ADGRA2: variants seen among roughly 807,000 people sequenced by gnomAD.
ADGRA2 encodes the protein adhesion G protein-coupled receptor A2, also known as G-protein coupled receptor 124.
ADGRA2 carries 61 observed loss-of-function variants against 98.7 expected under a neutral mutation model. The observed-to-expected ratio is 0.62, with a 90% CI of 0.50 to 0.76. The LOEUF (loss-of-function observed/expected upper bound fraction) is 0.76. ADGRA2 is among the 30% of genes least tolerant of loss of function. The pLI, the probability that ADGRA2 is intolerant of heterozygous loss-of-function variation, is 0.00. For missense variants in ADGRA2, 1,712 were observed against 1,860.0 expected, an observed-to-expected ratio of 0.92 and a Z score of 1.46; for synonymous variants, 858 against 831.5, an observed-to-expected ratio of 1.03 and a Z score of -0.55.
chr8:37,806,526 C>CTTTTTTTTTT lies in ADGRA2; in HGVS notation c.267-8363_267-8354dup, dbSNP rs533491458. The stretch of plus-strand genomic sequence containing the variant: ...CTTTTTCTTTTTCTTTTTTCTTTTT[C>CTTTTTTTTTT]TTTTTTTTTTTTTTTTGAGACAGAG... On this transcript the variant is annotated intron_variant, in intron 1 of 18. Transcript: ENST00000412232. Among the ~76,000 whole-genome samples the CTTTTTTTTTT allele has an allele frequency of 3.7e-3, 367 of 100,332 alleles. 50 individuals are homozygous for CTTTTTTTTTT. The highest frequency in any genetic ancestry group is 0.017 in the African/African-American group (334 of 19,468). 65.8% of individuals were successfully genotyped at this position (100,332 alleles called of 152,430 possible).
In ADGRA2 at chr8:37,841,705, G is replaced by T. The variant is rs1003522135; in HGVS notation, c.3367G>T (p.Gly1123Cys). The change falls in exon 19 of 19, where the codon GGC (glycine) becomes TGC (cysteine). Residue 1123 changes from glycine (G) to cysteine (C), a missense_variant. Physicochemically the swap from Gly to Cys is radical, Grantham distance 159 (BLOSUM62 -3). Transcript: ENST00000412232. The surrounding 1 kb of genome is among the most constrained non-coding windows in gnomAD (Gnocchi z 5.0). ...GPPSLKSSPS[G>C]SSGHPLALGP... ...CCCCTCCCTCAAGTCCTCCCCAAGC[G>T]GCAGCAGCGGCCATCCGCTGGCTCT... 8.4e-6 allele frequency: 13 copies of T among 1,540,674 alleles called. No individual in the cohort carries two copies. Among genetic ancestry groups the T allele is most frequent in the Middle Eastern group, 2.2e-4 (1 of 4,530 alleles).
At chr8:37,804,153 G>A (rs960540349) in intron 1 of ADGRA2, among the ~76,000 whole-genome samples, 5 of 39,170 alleles carry the variant, frequency 1.3e-4, no homozygotes, top group Non-Finnish European at 1.8e-4. Flanking sequence ...ACACACACAC[G>A]GCTCTTAGCC....
At chr8:37,837,967 G>T (rs1383342642) in intron 14 of ADGRA2, 28 bp downstream of exon 14, 2 of 1,441,168 alleles carry the variant, frequency 1.4e-6, no homozygotes, top group Non-Finnish European at 9.2e-7. Flanking sequence ...TGACAAGTCG[G>T]GGGGGCAGGG....
At position 37,834,086 on chromosome 8, in the gene ADGRA2, T is replaced by TG. The variant is rs760256806; in HGVS notation, c.1573dup (p.Ala525GlyfsTer59). The stretch of plus-strand genomic sequence containing the variant: ...GCATCGTGGGTGCCCTGGAGCGCAT[T>TG]GGGGGGGCCGCCCTCAGCCCCCATG... On this transcript the variant is annotated frameshift_variant, in exon 11 of 19. Transcript: ENST00000412232. LOFTEE classifies it high-confidence loss of function. The surrounding 1 kb of genome is among the most constrained non-coding windows in gnomAD (Gnocchi z 4.2). 3.7e-6 allele frequency: 6 copies of TG among 1,612,282 alleles called. No homozygotes were observed. The highest frequency in any genetic ancestry group is 8.5e-7 in the Non-Finnish European group (1 of 1,179,804).
At chr8:37,817,242 G>A (rs1805006624) in intron 2 of ADGRA2, among the ~76,000 whole-genome samples, 1 of 152,174 alleles carries the variant, frequency 6.6e-6, no homozygotes, top group Non-Finnish European at 1.5e-5. Context: ...GGGCAGAAAG[G>A]TAGAGCAGGC....
chr8:37,807,591 A>T (rs530684993), intron 1 of ADGRA2, among the ~76,000 whole-genome samples: 1 of 152,260 alleles, frequency 6.6e-6, no homozygotes, highest in South Asian at 2.1e-4. Flanking sequence ...CAGCGGCTGC[A>T]GGGGAGGCTG....
intron 2 of ADGRA2, among the ~76,000 whole-genome samples, chr8:37,820,164 A>C (rs771164172): frequency 7.9e-5 from 12 of 152,222 alleles, no homozygotes; most frequent in Non-Finnish European, 8.8e-5. Context: ...CACCCACATC[A>C]TACAGGAGCA....
chr8:37,842,791 C>A lies in ADGRA2; in HGVS notation c.*436C>A, dbSNP rs75618960. On this transcript the variant is annotated 3_prime_UTR_variant, in exon 19 of 19. Coordinates refer to ENST00000412232, the MANE Select transcript of ADGRA2 (RefSeq NM_032777.10). ...TGCCCTCTACTGATTTCAGCCCAGC[C>A]CCTGCCTAGATCCTAGGTCCCTTTT... The A allele has an allele frequency of 2.9e-4, 47 of 162,244 alleles. No homozygotes were observed. The East Asian group carries it at 7.8e-3, about 27-fold the overall frequency. 10.1% of individuals were successfully genotyped at this position (162,244 alleles called of 1,614,324 possible). A position where few individuals can be genotyped will look rare whatever the true frequency, so the allele number is the denominator to read the frequency against.
intron 1 of ADGRA2, among the ~76,000 whole-genome samples, chr8:37,809,504 G>T (rs1437790907): frequency 6.6e-6 from 1 of 152,080 alleles, no homozygotes; most frequent in Admixed American, 6.5e-5. Flanking sequence ...TCCAACCCTG[G>T]GTATCTGAGG....
chr8:37,830,513 T>C lies in ADGRA2; in HGVS notation c.719-197T>C, dbSNP rs970627724. 6.6e-6 allele frequency among the ~76,000 whole-genome samples: 1 copy of C among 152,196 alleles called. No homozygotes were observed. Among genetic ancestry groups the C allele is most frequent in the African/African-American group, 2.4e-5 (1 of 41,442 alleles). Reference sequence around the variant, plus strand: ...GTGCTGAGAAAGGAGTACTTTTCTTTGTCCAAAAACCGCCTGTCCCTCCCC... The same window carrying C: ...GTGCTGAGAAAGGAGTACTTTTCTTCGTCCAAAAACCGCCTGTCCCTCCCC... On this transcript the variant is annotated intron_variant, in intron 6 of 18. Coordinates refer to ENST00000412232, the MANE Select transcript of ADGRA2 (RefSeq NM_032777.10). This position sits in a 1 kb window ranked among gnomAD's most constrained non-coding sequence, Gnocchi z 4.8.
At chr8:37,838,061 T>G (rs1326370521) in intron 14 of ADGRA2, 122 bp downstream of exon 14, 1 of 826,488 alleles carries the variant, frequency 1.2e-6, no homozygotes, top group Admixed American at 3.4e-5. Flanking sequence ...GCAGCCCTAA[T>G]TGGGCCCCAT....
In ADGRA2 at chr8:37,802,032, C is replaced by G. The variant is rs1804523301; in HGVS notation, c.266+4498C>G. 6.6e-6 allele frequency among the ~76,000 whole-genome samples: 1 copy of G among 152,222 alleles called. No individual in the cohort carries two copies. Among genetic ancestry groups the G allele is most frequent in the Non-Finnish European group, 1.5e-5 (1 of 68,024 alleles). Reference sequence around the variant, plus strand: ...GGTGCCCACCACGCAGGCTGCCCACCTAGGGGAGAAGAGGCTGTCTGCCGC... The same window carrying G: ...GGTGCCCACCACGCAGGCTGCCCACGTAGGGGAGAAGAGGCTGTCTGCCGC... On this transcript the variant is annotated intron_variant, in intron 1 of 18. Transcript: ENST00000412232. This position sits in a 1 kb window ranked among gnomAD's most constrained non-coding sequence, Gnocchi z 4.7.
At chr8:37,806,364 G>A (rs912998304) in intron 1 of ADGRA2, among the ~76,000 whole-genome samples, 32 of 152,058 alleles carry the variant, frequency 2.1e-4, no homozygotes, top group African/African-American at 7.7e-4. Flanking sequence ...TGTTCCTTGT[G>A]CTCAAGCCAG....
Position 37,833,003 on chromosome 8 carries a change from C to A in ADGRA2, c.1098-7C>A. ...GTTCATCGGCAACTTCCTGCCTCTC[C>A]CCCCAGGTGGCCCCGAACTCTGGCT... On this transcript the variant is annotated splice_region_variant and splice_polypyrimidine_tract_variant and intron_variant, in intron 8 of 18. Transcript: ENST00000412232. The A allele has an allele frequency of 1.2e-6, 2 of 1,609,502 alleles. No homozygotes were observed. The highest frequency in any genetic ancestry group is 2.2e-5 in the South Asian group (2 of 90,842).
rs1445377328 is a variant in ADGRA2, at chr8:37,837,957, T to TGAC, written c.2259+19_2259+21dup. Reference sequence around the variant, plus strand: ...TGCTCATGGTGGGTGTGAGGAGGGGTGACAAGTCGGGGGGGCAGGGACACG... The same window carrying TGAC: ...TGCTCATGGTGGGTGTGAGGAGGGGTGACGACAAGTCGGGGGGGCAGGGACACG... On this transcript the variant is annotated intron_variant, in intron 14 of 18. Transcript: ENST00000412232. The TGAC allele has an allele frequency of 6.9e-7, 1 of 1,439,154 alleles. No individual in the cohort carries two copies. Among genetic ancestry groups the TGAC allele is most frequent in the Non-Finnish European group, 9.1e-7 (1 of 1,093,358 alleles). The allele number at this position is 1,439,154 out of a possible 1,614,324, so 89.1% of individuals were successfully genotyped here. A position where few individuals can be genotyped will look rare whatever the true frequency, so the allele number is the denominator to read the frequency against.
rs1805549426 is a variant in ADGRA2, at chr8:37,834,405, A to T, written c.1608+277A>T. ...GAGTGAAAGGAGTAGAAGGGATGGG[A>T]GGAAGGCTTGGTGGCAGGGCAGACA... On this transcript the variant is annotated intron_variant, in intron 11 of 18. Coordinates refer to ENST00000412232, the MANE Select transcript of ADGRA2 (RefSeq NM_032777.10). The surrounding 1 kb of genome is among the most constrained non-coding windows in gnomAD (Gnocchi z 4.2). Among the ~76,000 whole-genome samples, 1 of 152,174 alleles carries T rather than the reference A, an allele frequency of 6.6e-6. No individual in the cohort carries two copies. The highest frequency in any genetic ancestry group is 1.5e-5 in the Non-Finnish European group (1 of 68,032).
intron 12 of ADGRA2, 51 bp downstream of exon 12, chr8:37,835,449 C>A: frequency 6.5e-7 from 1 of 1,536,096 alleles, no homozygotes; most frequent in Non-Finnish European, 9.0e-7. Context: ...CACTCAGATG[C>A]AGGTGCCTGG....
At chr8:37,811,119 C>CAAAAA (rs1158782949) in intron 1 of ADGRA2, among the ~76,000 whole-genome samples, 81 of 68,638 alleles carry the variant, frequency 1.2e-3, no homozygotes, top group African/African-American at 1.7e-3. Context: ...GTCTCAAAAA[C>CAAAAA]AAAAAAAAAA....
intron 2 of ADGRA2, among the ~76,000 whole-genome samples, chr8:37,817,757 C>T (rs927440244): frequency 3.3e-5 from 5 of 152,160 alleles, no homozygotes; most frequent in Admixed American, 3.3e-4. Context: ...TGGCTCACGC[C>T]TGTAATTCCA....
Sources: gnomAD v4.1 joint callset for allele counts (sites outside exome capture counted in the v4.1 genomes callset) on GRCh38, gnomAD v4.1.1 for gene constraint, Gnocchi (gnomAD v3.1) non-coding constraint, MANE v1.5 for transcripts, NCBI Gene and HGNC (gene_info 2026-07-23, HGNC 2026-07-21) for gene names.